The following INSYN2B variants were observed in gnomAD, a reference collection of about 807,000 sequenced individuals.
The protein encoded by INSYN2B is protein INSYN2B.
INSYN2B carries 16 observed loss-of-function variants against 41.2 expected under a neutral mutation model. That is an observed-to-expected ratio of 0.39 (90% CI 0.26 to 0.59). The LOEUF (loss-of-function observed/expected upper bound fraction) is 0.59. INSYN2B is among the 20% of genes least tolerant of loss of function. The pLI is 0.57. For synonymous variants in INSYN2B, 245 were observed against 244.4 expected, an observed-to-expected ratio of 1.00 and a Z score of -0.02; for missense variants, 608 against 646.4, an observed-to-expected ratio of 0.94 and a Z score of 0.64.
intron 1 of INSYN2B, among the ~76,000 whole-genome samples, chr5:169,922,990 C>T (rs949488017): frequency 3.3e-5 from 5 of 152,176 alleles, no homozygotes; most frequent in South Asian, 2.1e-4. Context: ...TTTCTCTTAT[C>T]GGTCCCACAG....
chr5:169,955,018 T>C (rs116530651), intron 1 of INSYN2B, among the ~76,000 whole-genome samples: 4,666 of 152,258 alleles, frequency 0.031, 169 homozygotes, highest in African/African-American at 0.082. Context: ...GCTCAAGGGA[T>C]TGGAAGAGCA....
intron 1 of INSYN2B, among the ~76,000 whole-genome samples, chr5:169,954,540 C>T (rs574154453): frequency 6.6e-6 from 1 of 152,344 alleles, no homozygotes; most frequent in East Asian, 1.9e-4. Context: ...TCAGCAGAAT[C>T]AGGCAGAGCC....
Position 169,882,858 on chromosome 5 carries a change from T to C in INSYN2B, c.1041A>G (p.Ala347=), listed in dbSNP as rs1772740189. The part of the protein sequence containing the change: ...QNLVSLKTNS[A]SKSAPGCQEQ... ...CCTGACACCCAGGGGCAGATTTCGA[T>C]GCACTGTTAGTTTTGAGTGACACCA... Residue 347 remains alanine, a synonymous_variant, in exon 2 of 4, where the codon GCA becomes GCG. Coordinates refer to ENST00000377365, the MANE Select transcript of INSYN2B (RefSeq NM_001129891.3). The C allele has an allele frequency of 6.4e-7, 1 of 1,551,250 alleles. No individual in the cohort carries two copies. Among genetic ancestry groups the C allele is most frequent in the East Asian group, 2.4e-5 (1 of 40,884 alleles).
Position 169,882,757 on chromosome 5 carries a change from G to A in INSYN2B, c.1142C>T (p.Ser381Phe), listed in dbSNP as rs898009345. 19 of 1,551,766 alleles carry A rather than the reference G, an allele frequency of 1.2e-5. No homozygotes were observed. Among genetic ancestry groups the A allele is most frequent in the East Asian group, 9.8e-5 (4 of 40,912 alleles). ...PNCPGSNHLP[S>F]SLSRSETKLQ... ...TTTGGTCTCACTCCTTGAAAGAGAG[G>A]ATGGGAGATGATTACTTCCTGGACA... The change falls in exon 2 of 4, where the codon TCC (serine) becomes TTC (phenylalanine). Residue 381 changes from serine to phenylalanine, a missense_variant. Ser to Phe is a radical substitution (Grantham distance 155). Transcript: ENST00000377365.
At chr5:169,896,199 G>A (rs1773596949) in intron 1 of INSYN2B, among the ~76,000 whole-genome samples, 1 of 152,160 alleles carries the variant, frequency 6.6e-6, no homozygotes, top group Non-Finnish European at 1.5e-5. Flanking sequence ...GAGGCAGTCA[G>A]CAGTGAGCAA....
chr5:169,892,347 G>A lies in INSYN2B; in HGVS notation c.-918-7531C>T, dbSNP rs1288099712. On this transcript the variant is annotated intron_variant, in intron 1 of 3. Transcript: ENST00000377365. ...TTGCTGGTGTGTATCCCCTACACCC[G>A]CACAGCTTCTAGCATGGAGCAGGAG... 9.2e-5 allele frequency among the ~76,000 whole-genome samples: 14 copies of A among 152,222 alleles called. 1 individual carries two copies. Among genetic ancestry groups the A allele is most frequent in the Non-Finnish European group, 1.9e-4 (13 of 68,030 alleles).
At chr5:169,879,927 AAG>A (rs1199177780) in intron 3 of INSYN2B, among the ~76,000 whole-genome samples, 1 of 152,246 alleles carries the variant, frequency 6.6e-6, no homozygotes, top group African/African-American at 2.4e-5. Context: ...TCCGGAAAAG[AAG>A]AGAGACTATC....
At position 169,964,362 on chromosome 5, in the gene INSYN2B, C is replaced by T. The variant is rs192743729; in HGVS notation, c.-919+15915G>A. ...AGACTATAAATTTCTTTTCTGTTGC[C>T]TTGGCCTGTCATTGGGAAGACTGGC... On this transcript the variant is annotated intron_variant, in intron 1 of 3. Transcript: ENST00000377365. Among the ~76,000 whole-genome samples the T allele has an allele frequency of 3.3e-5, 5 of 152,260 alleles. No homozygotes were observed. In the East Asian group the frequency reaches 7.7e-4, roughly 24 times the overall value.
At chr5:169,932,550 C>T (rs1017236648) in intron 1 of INSYN2B, among the ~76,000 whole-genome samples, 6 of 152,130 alleles carry the variant, frequency 3.9e-5, no homozygotes, top group Non-Finnish European at 5.9e-5. Flanking sequence ...ATGCTTTTGC[C>T]GTCAGTTTTG....
intron 1 of INSYN2B, among the ~76,000 whole-genome samples, chr5:169,920,213 C>G (rs887641488): frequency 1.3e-5 from 2 of 152,152 alleles, no homozygotes; most frequent in African/African-American, 4.8e-5. Flanking sequence ...AGCTCCTCAC[C>G]ACCATGCCAT....
intron 3 of INSYN2B, among the ~76,000 whole-genome samples, chr5:169,867,687 C>A (rs963155607): frequency 1.3e-5 from 2 of 151,986 alleles, no homozygotes; most frequent in Non-Finnish European, 2.9e-5. Context: ...ATTGATCCCC[C>A]CACACACATA....
chr5:169,899,948 C>A (rs1434380679), intron 1 of INSYN2B, among the ~76,000 whole-genome samples: 4 of 152,224 alleles, frequency 2.6e-5, no homozygotes, highest in Admixed American at 2.6e-4. Flanking sequence ...TATGTCATTT[C>A]CTTCCACTAA....
intron 1 of INSYN2B, among the ~76,000 whole-genome samples, chr5:169,906,286 C>T (rs954206318): frequency 3.3e-5 from 5 of 152,064 alleles, no homozygotes; most frequent in Non-Finnish European, 7.4e-5. Context: ...TGAGTATGAT[C>T]ATAGTACTGA....
chr5:169,908,713 CTTT>C (rs34261104), intron 1 of INSYN2B, among the ~76,000 whole-genome samples: 2,054 of 105,086 alleles, frequency 0.02, 32 homozygotes, highest in African/African-American at 0.066. Context: ...TTTCTTTTTT[CTTT>C]TTTTTTTTTT....
chr5:169,974,398 A>G (rs1158247306), intron 1 of INSYN2B, among the ~76,000 whole-genome samples: 3 of 152,196 alleles, frequency 2.0e-5, no homozygotes, highest in Admixed American at 1.3e-4. Flanking sequence ...TTCCTTTGTT[A>G]TGGCCCTATA....
At chr5:169,895,721 T>C (rs1773557667) in intron 1 of INSYN2B, among the ~76,000 whole-genome samples, 1 of 152,106 alleles carries the variant, frequency 6.6e-6, no homozygotes, top group Non-Finnish European at 1.5e-5. Flanking sequence ...GCCTTTCTCT[T>C]ACAAAGAGTT....
At chr5:169,916,641 A>G (rs1774888792) in intron 1 of INSYN2B, among the ~76,000 whole-genome samples, 3 of 151,808 alleles carry the variant, frequency 2.0e-5, no homozygotes, top group Admixed American at 2.0e-4. Flanking sequence ...TACCTGGCAC[A>G]TAGTAGGTAT....
chr5:169,979,650 G>A (rs1226347563), intron 1 of INSYN2B, among the ~76,000 whole-genome samples: 1 of 152,186 alleles, frequency 6.6e-6, no homozygotes, highest in Non-Finnish European at 1.5e-5. Context: ...CTAGTCAGAA[G>A]TAAAACACTG....
chr5:169,879,707 T>C (rs1295968195), intron 3 of INSYN2B, among the ~76,000 whole-genome samples: 1 of 152,196 alleles, frequency 6.6e-6, no homozygotes, highest in Non-Finnish European at 1.5e-5. Context: ...TTGTCACTTT[T>C]AATTCGGTTT....
Sources: gnomAD v4.1 joint callset for allele counts (sites outside exome capture counted in the v4.1 genomes callset) on GRCh38, gnomAD v4.1.1 for gene constraint, MANE v1.5 for transcripts, NCBI Gene and HGNC (gene_info 2026-07-23, HGNC 2026-07-21) for gene names.